The following ADGRV1 variants were observed in gnomAD, a reference collection of about 807,000 sequenced individuals.
The protein encoded by ADGRV1 is G-protein coupled receptor 98.
In ADGRV1, 359 loss-of-function variants were observed where a neutral mutation model predicts 596.2. The ratio of observed to expected loss-of-function variants is 0.60; its 90% CI spans 0.55 to 0.66. The LOEUF (loss-of-function observed/expected upper bound fraction) is 0.66. Among genes scored for constraint, ADGRV1 ranks in the 30% least tolerant of loss-of-function variants. The probability of loss-of-function intolerance (pLI) is 0.00; values close to 1 mark genes in which losing one functional copy is unlikely to be tolerated. For missense variants in ADGRV1, 7,274 were observed against 7,575.6 expected (o/e 0.96, Z 1.48); for synonymous variants, 2,681 against 2,679.2 (o/e 1.00, Z -0.02).
chr5:90,752,027 G>A (rs1275945665), intron 53 of ADGRV1, among the ~76,000 whole-genome samples: 1 of 152,108 alleles, frequency 6.6e-6, no homozygotes, highest in Non-Finnish European at 1.5e-5. Context: ...CATTCAGGGA[G>A]CTAGTATATC....
chr5:90,662,602 T>G (rs954940589), intron 21 of ADGRV1, among the ~76,000 whole-genome samples: 1 of 152,036 alleles, frequency 6.6e-6, no homozygotes, highest in East Asian at 1.9e-4. Flanking sequence ...TTTTTTTCTT[T>G]TTTTCTTTTT....
chr5:91,003,116 C>T (rs758838405), intron 85 of ADGRV1, among the ~76,000 whole-genome samples: 4 of 152,124 alleles, frequency 2.6e-5, no homozygotes, highest in Non-Finnish European at 4.4e-5. Context: ...TGGTGAGCTG[C>T]AGCCTCTAAA....
rs192362302 is a variant in ADGRV1, at chr5:90,558,852, C to G, written c.-44C>G. The G allele has an allele frequency of 1.3e-6, 2 of 1,556,276 alleles. No individual in the cohort carries two copies. The highest frequency in any genetic ancestry group is 2.4e-5 in the South Asian group (2 of 84,780). ...GTACGGACGGGAGTCAGAGGCAGAG[C>G]GAGGGTGTGTGGAGGGCCGGCGGGG... On this transcript the variant is annotated 5_prime_UTR_variant, in exon 1 of 90. Coordinates refer to ENST00000405460, the MANE Select transcript of ADGRV1 (RefSeq NM_032119.4).
At chr5:90,855,351 CAAA>C (rs906243684) in intron 81 of ADGRV1, among the ~76,000 whole-genome samples, 7 of 152,002 alleles carry the variant, frequency 4.6e-5, no homozygotes, top group African/African-American at 9.6e-5. Flanking sequence ...AGAAAAAAAA[CAAA>C]GAAGAGTAAA....
intron 88 of ADGRV1, 150 bp from the exon 89 acceptor site, chr5:91,153,071 A>C: frequency 1.7e-6 from 1 of 587,512 alleles, no homozygotes; most frequent in South Asian, 2.6e-5. Context: ...ATTTATAAAT[A>C]AGTAAAGGTC....
chr5:90,616,495 T>C (rs1021033069), intron 2 of ADGRV1, among the ~76,000 whole-genome samples: 1 of 152,146 alleles, frequency 6.6e-6, no homozygotes, highest in South Asian at 2.1e-4. Context: ...GAGCAGTTTC[T>C]TTGAAACTGA....
chr5:90,999,257 G>A lies in ADGRV1; in HGVS notation c.18152+13735G>A, dbSNP rs574851712. Among the ~76,000 whole-genome samples, 5 of 151,950 alleles carry A rather than the reference G, an allele frequency of 3.3e-5. No individual in the cohort carries two copies. In the South Asian group the frequency reaches 1.0e-3, roughly 32 times the overall value. On this transcript the variant is annotated intron_variant, in intron 85 of 89. Transcript: ENST00000405460. ...CTTAATATGAGATGAGTTTTTGTATGATATCAAATTGTTTCAGATAATTAT... is the reference window on the plus strand; with the variant it reads ...CTTAATATGAGATGAGTTTTTGTATAATATCAAATTGTTTCAGATAATTAT...
In ADGRV1 at chr5:90,642,748, C is replaced by T. The variant is rs752002359; in HGVS notation, c.2353C>T (p.Pro785Ser). The stretch of plus-strand genomic sequence containing the variant: ...TGAATTTTCTCCTGCTTCCAGAGGA[C>T]CCTATGTTATAAAAGTAAGTACGAA... Reference protein sequence around the residue: ...VFEFSPASRGPYVIKEGESVE... With the variant: ...VFEFSPASRGSYVIKEGESVE... Residue 785 changes from proline (P) to serine (S), a missense_variant, in exon 12 of 90, where the codon CCC (proline) becomes TCC (serine). Around this residue, in one of 5 missense-constraint regions of ADGRV1, gnomAD observed 1,715 missense variants for 1,708.8 expected, o/e 1.00. Transcript: ENST00000405460. The T allele has an allele frequency of 1.9e-6, 3 of 1,611,794 alleles. No individual in the cohort carries two copies. Among genetic ancestry groups the T allele is most frequent in the Non-Finnish European group, 2.5e-6 (3 of 1,179,074 alleles).
chr5:90,766,796 G>A (rs2150032925), intron 59 of ADGRV1, among the ~76,000 whole-genome samples: 1 of 152,278 alleles, frequency 6.6e-6, no homozygotes. Flanking sequence ...ATCAGCATGA[G>A]CCTGAGAACC....
chr5:90,981,050 C>T (rs549540823), intron 84 of ADGRV1, among the ~76,000 whole-genome samples: 59 of 152,296 alleles, frequency 3.9e-4, no homozygotes, highest in African/African-American at 1.3e-3. Flanking sequence ...TTAGGACACA[C>T]GCCCATGATA....
intron 11 of ADGRV1, among the ~76,000 whole-genome samples, chr5:90,642,205 G>A (rs1379314255): frequency 6.6e-6 from 1 of 152,034 alleles, no homozygotes; most frequent in Non-Finnish European, 1.5e-5. Flanking sequence ...TATGTAATGA[G>A]TTTTAAAAAT....
At chr5:90,801,707 C>G (rs557313170) in intron 70 of ADGRV1, among the ~76,000 whole-genome samples, 1 of 152,114 alleles carries the variant, frequency 6.6e-6, no homozygotes, top group South Asian at 2.1e-4. Flanking sequence ...AGAGACTTTA[C>G]AGAAATGGTT....
chr5:91,051,584 T>C (rs565481958), intron 85 of ADGRV1, among the ~76,000 whole-genome samples: 71 of 143,282 alleles, frequency 5.0e-4, no homozygotes, highest in African/African-American at 1.7e-3. Flanking sequence ...TCTCACTCTG[T>C]CGCCCAGGCT....
chr5:90,961,775 A>G (rs898501019), intron 83 of ADGRV1, among the ~76,000 whole-genome samples: 1 of 152,210 alleles, frequency 6.6e-6, no homozygotes, highest in Non-Finnish European at 1.5e-5. Context: ...AGAGAATTTT[A>G]TAAGTCATTT....
intron 85 of ADGRV1, among the ~76,000 whole-genome samples, chr5:91,041,849 A>G (rs1268056684): frequency 6.6e-6 from 1 of 152,146 alleles, no homozygotes; most frequent in Non-Finnish European, 1.5e-5. Flanking sequence ...GGCCATTTTC[A>G]TGATGCTTTA....
chr5:90,855,681 C>T (rs752384665), intron 81 of ADGRV1, 60 bp from the exon 82 acceptor site: 57 of 1,151,400 alleles, frequency 5.0e-5, no homozygotes, highest in Non-Finnish European at 6.8e-5. Flanking sequence ...CTTTAAAAGC[C>T]ATCTCAACAC....
intron 9 of ADGRV1, chr5:90,630,612 C>A (rs1208164698): frequency 6.6e-6 from 1 of 152,098 alleles, no homozygotes; most frequent in African/African-American, 2.4e-5. Flanking sequence ...AATGGACTGA[C>A]AAGGAAAGAG....
At position 91,006,316 on chromosome 5, in the gene ADGRV1, A is replaced by C. The variant is rs115010690; in HGVS notation, c.18152+20794A>C. ...TGATTTGGAAAGCCAACCATAAGAA[A>C]TATGTACAAAATTGCAAATCCAAAA... On this transcript the variant is annotated intron_variant, in intron 85 of 89. Transcript: ENST00000405460. Among the ~76,000 whole-genome samples the C allele has an allele frequency of 2.5e-3, 385 of 152,300 alleles. 2 individuals are homozygous for C. Among genetic ancestry groups the C allele is most frequent in the African/African-American group, 8.9e-3 (372 of 41,570 alleles).
intron 70 of ADGRV1, among the ~76,000 whole-genome samples, chr5:90,794,353 T>C (rs1760429121): frequency 6.6e-6 from 1 of 152,190 alleles, no homozygotes; most frequent in Non-Finnish European, 1.5e-5. Flanking sequence ...CTGGCTTTTT[T>C]TTATGAGGCA....
Sources: allele counts gnomAD v4.1 joint callset (sites outside exome capture counted in the v4.1 genomes callset), GRCh38; gene constraint gnomAD v4.1.1; regional missense constraint gnomAD v4.1.1; transcripts MANE v1.5; gene names NCBI Gene and HGNC (gene_info 2026-07-23, HGNC 2026-07-21).